The following TACC2 variants were observed in gnomAD, a reference collection of about 807,000 sequenced individuals.
The protein encoded by TACC2 is transforming acidic coiled-coil-containing protein 2.
Under a neutral mutation model 227.3 loss-of-function variants are expected in TACC2, and 137 were observed. The ratio of observed to expected loss-of-function variants is 0.60; its 90% CI spans 0.52 to 0.69. The LOEUF (loss-of-function observed/expected upper bound fraction) is 0.69. Ranked by LOEUF, TACC2 falls within the 30% of genes least tolerant of loss-of-function variation. TACC2 has a pLI of 0.00. For missense variants in TACC2, 3,470 were observed against 3,694.4 expected, an observed-to-expected ratio of 0.94 and a Z score of 1.57; for synonymous variants, 1,523 against 1,487.5, an observed-to-expected ratio of 1.02 and a Z score of -0.55.
intron 7 of TACC2, among the ~76,000 whole-genome samples, chr10:122,160,651 C>A (rs2092765550): frequency 6.6e-6 from 1 of 152,138 alleles, no homozygotes; most frequent in Non-Finnish European, 1.5e-5. Context: ...CCTCCAAATA[C>A]CATCCCACTA....
intron 16 of TACC2, among the ~76,000 whole-genome samples, chr10:122,232,702 G>GCTA (rs1589800967): frequency 6.6e-6 from 1 of 152,322 alleles, no homozygotes; most frequent in East Asian, 1.9e-4. Context: ...TGTTCCTGTA[G>GCTA]CTACCCAGCC....
chr10:122,013,759 G>A (rs544885395), intron 1 of TACC2, among the ~76,000 whole-genome samples: 5 of 152,322 alleles, frequency 3.3e-5, no homozygotes, highest in African/African-American at 1.2e-4. Context: ...CTGGTCTGGA[G>A]AAGCAATTCA....
At chr10:122,116,327 G>A (rs548165138) in intron 5 of TACC2, among the ~76,000 whole-genome samples, 2 of 152,188 alleles carry the variant, frequency 1.3e-5, no homozygotes, top group Admixed American at 6.5e-5. Context: ...TAGAGTTTCA[G>A]TCTGTCACTT....
rs533543059 is a variant in TACC2, at chr10:122,037,310, G to T, written c.34-13128G>T. On this transcript the variant is annotated intron_variant, in intron 2 of 22. Coordinates refer to ENST00000369005, the MANE Select transcript of TACC2 (RefSeq NM_206862.4). ...TGTAGGTCCCAACCAGCCCTGGTAA[G>T]AAGTCTGGCTTTCTTCTACCTGTGG... Among the ~76,000 whole-genome samples, 12 of 152,372 alleles carry T rather than the reference G, an allele frequency of 7.9e-5. No homozygotes were observed. In the East Asian group the frequency reaches 2.3e-3, roughly 29 times the overall value.
rs2079810399 is a variant in TACC2, at chr10:122,083,876, AGGT to A, written c.1382_1384del (p.Val461del). The A allele has an allele frequency of 1.2e-6, 2 of 1,614,114 alleles. No homozygotes were observed. The highest frequency in any genetic ancestry group is 1.7e-6 in the Non-Finnish European group (2 of 1,180,018). On this transcript the variant is annotated inframe_deletion, in exon 4 of 23. Transcript: ENST00000369005. ...CCAGTTTCTGCAGATGCAGCCAAAG[AGGT>A]GGTGGATGCAGGGTTGGTGGGACTG...
chr10:122,251,127 G>A (rs1413578740), intron 22 of TACC2, among the ~76,000 whole-genome samples: 3 of 151,714 alleles, frequency 2.0e-5, no homozygotes, highest in Admixed American at 2.0e-4. Context: ...GTCTCACTTT[G>A]TTGCCCAGGC....
intron 3 of TACC2, among the ~76,000 whole-genome samples, chr10:122,062,025 CTTTTTTTTTTT>C (rs140523380): frequency 6.3e-5 from 4 of 63,968 alleles, no homozygotes; most frequent in Non-Finnish European, 8.0e-5. Flanking sequence ...GTCAGAGCGG[CTTTTTTTTTTT>C]TTTTTTTTTT....
At chr10:122,229,077 A>G (rs1179524889) in intron 14 of TACC2, among the ~76,000 whole-genome samples, 1 of 151,802 alleles carries the variant, frequency 6.6e-6, no homozygotes, top group Non-Finnish European at 1.5e-5. Context: ...CCACTCACTG[A>G]CCAGGGAGTG....
chr10:122,098,450 C>G (rs940644007), intron 5 of TACC2, among the ~76,000 whole-genome samples: 5 of 152,136 alleles, frequency 3.3e-5, no homozygotes, highest in African/African-American at 1.2e-4. Context: ...TCCTGAAAAA[C>G]GAGGTCAGAC....
intron 5 of TACC2, among the ~76,000 whole-genome samples, chr10:122,089,789 C>G (rs1261480042): frequency 6.6e-6 from 1 of 152,180 alleles, no homozygotes; most frequent in East Asian, 1.9e-4. Flanking sequence ...TGCACGATCA[C>G]CTGTTTTTCG....
At chr10:122,168,734 G>A (rs1376604904) in intron 7 of TACC2, among the ~76,000 whole-genome samples, 1 of 152,154 alleles carries the variant, frequency 6.6e-6, no homozygotes, top group Non-Finnish European at 1.5e-5. Context: ...AGTGGATTCT[G>A]GGTTGCTCTT....
rs2079744927 is a variant in TACC2, at chr10:122,083,286, C to A, written c.786C>A (p.Ser262Arg). Residue 262 changes from serine (S) to arginine (R), a missense_variant, in exon 4 of 23, where the codon AGC (serine) becomes AGA (arginine). Physicochemically the swap from Ser to Arg is moderately radical, Grantham distance 110 (BLOSUM62 -1). Transcript: ENST00000369005. Reference sequence around the variant, plus strand: ...CTGCAGCCCAGCAGGGCACAGAAAGCTCAGCGGTCTTGGAGAAGTCCCCCC... The same window carrying A: ...CTGCAGCCCAGCAGGGCACAGAAAGATCAGCGGTCTTGGAGAAGTCCCCCC... ...APAAAQQGTE[S>R]SAVLEKSPLK... is the part of the protein sequence containing the mutation. 2 of 1,613,826 alleles carry A rather than the reference C, an allele frequency of 1.2e-6. No homozygotes were observed. The highest frequency in any genetic ancestry group is 1.3e-5 in the African/African-American group (1 of 74,914).
chr10:122,004,657 A>C (rs1461556328), intron 1 of TACC2, among the ~76,000 whole-genome samples: 1 of 152,096 alleles, frequency 6.6e-6, no homozygotes, highest in Non-Finnish European at 1.5e-5. Flanking sequence ...CCAACCAATT[A>C]GCAGCACCCA....
chr10:122,031,784 AACC>A (rs1959013063), intron 2 of TACC2, among the ~76,000 whole-genome samples: 1 of 151,166 alleles, frequency 6.6e-6, no homozygotes, highest in South Asian at 2.1e-4. Flanking sequence ...GGCTCACTGC[AACC>A]ACCGCCTCCC....
chr10:122,078,250 A>G (rs1378121430), intron 3 of TACC2, among the ~76,000 whole-genome samples: 2 of 148,272 alleles, frequency 1.3e-5, no homozygotes, highest in East Asian at 2.0e-4. Flanking sequence ...GGCCTGAGTC[A>G]GTGTTTAGTA....
At chr10:122,063,851 C>G (rs1049512164) in intron 3 of TACC2, among the ~76,000 whole-genome samples, 1 of 151,382 alleles carries the variant, frequency 6.6e-6, no homozygotes, top group Non-Finnish European at 1.5e-5. Flanking sequence ...CACACACACA[C>G]ACACACCCTT....
At chr10:122,136,339 T>A (rs1013155765) in intron 6 of TACC2, among the ~76,000 whole-genome samples, 2 of 151,854 alleles carry the variant, frequency 1.3e-5, no homozygotes. Flanking sequence ...CGCCACCCCA[T>A]CCACCTGCAA....
At chr10:122,168,050 C>CT (rs57366476) in intron 7 of TACC2, among the ~76,000 whole-genome samples, 23,135 of 129,734 alleles carry the variant, frequency 0.18, 3,184 homozygotes, top group African/African-American at 0.4. Flanking sequence ...CCATGCCCAG[C>CT]TTTTTTTTTT....
chr10:122,167,094 C>T (rs1230712148), intron 7 of TACC2, among the ~76,000 whole-genome samples: 1 of 152,216 alleles, frequency 6.6e-6, no homozygotes, highest in African/African-American at 2.4e-5. Flanking sequence ...CACCAAATCC[C>T]CACACCCTGG....
Sources: gnomAD v4.1 joint callset for allele counts (sites outside exome capture counted in the v4.1 genomes callset) on GRCh38, gnomAD v4.1.1 for gene constraint, MANE v1.5 for transcripts, NCBI Gene and HGNC (gene_info 2026-07-23, HGNC 2026-07-21) for gene names.